AKAP6: variants seen among roughly 807,000 people sequenced by gnomAD.
AKAP6 encodes the protein A-kinase anchoring protein 6, also known as A-kinase anchor protein 6.
AKAP6 carries 58 observed loss-of-function variants against 188.5 expected under a neutral mutation model. The observed-to-expected ratio is 0.31, with a 90% CI of 0.25 to 0.38. The LOEUF is 0.38. Ranked by LOEUF, AKAP6 falls within the 10% of genes least tolerant of loss-of-function variation. AKAP6 has a pLI of 1.00. For missense variants in AKAP6, 2,710 were observed against 2,740.0 expected, an observed-to-expected ratio of 0.99 and a Z score of 0.24; for synonymous variants, 989 against 998.6, an observed-to-expected ratio of 0.99 and a Z score of 0.18.
chr14:32,498,892 A>T (rs563130175), intron 2 of AKAP6, among the ~76,000 whole-genome samples: 1 of 152,228 alleles, frequency 6.6e-6, no homozygotes, highest in East Asian at 1.9e-4. Flanking sequence ...ACTTTGTTCC[A>T]TTCATTGAGA....
At chr14:32,579,756 A>G (rs1393752087) in intron 5 of AKAP6, among the ~76,000 whole-genome samples, 1 of 152,130 alleles carries the variant, frequency 6.6e-6, no homozygotes, top group Non-Finnish European at 1.5e-5. Flanking sequence ...GTCATGCTGA[A>G]TTAATGATAA....
intron 9 of AKAP6, among the ~76,000 whole-genome samples, chr14:32,705,473 G>A (rs1227605949): frequency 6.6e-6 from 1 of 151,920 alleles, no homozygotes; most frequent in East Asian, 2.0e-4. Context: ...TGTTTTTCTG[G>A]TATTGAGATG....
chr14:32,470,324 T>C (rs575406376), intron 2 of AKAP6, among the ~76,000 whole-genome samples: 1 of 152,328 alleles, frequency 6.6e-6, no homozygotes, highest in African/African-American at 2.4e-5. Context: ...CAGGCATTTC[T>C]TGTATCCCAC....
At chr14:32,417,111 G>A (rs1236763046) in intron 1 of AKAP6, among the ~76,000 whole-genome samples, 1 of 152,156 alleles carries the variant, frequency 6.6e-6, no homozygotes, top group Admixed American at 6.6e-5. Context: ...AAAGTGCTGG[G>A]ATTACCTTGA....
intron 11 of AKAP6, among the ~76,000 whole-genome samples, chr14:32,739,520 A>G (rs938982797): frequency 5.3e-5 from 8 of 151,824 alleles, no homozygotes; most frequent in Non-Finnish European, 8.8e-5. Context: ...GTTTGCCCCT[A>G]CTACCCTTTC....
At chr14:32,383,208 G>A (rs1466897675) in intron 1 of AKAP6, among the ~76,000 whole-genome samples, 1 of 151,848 alleles carries the variant, frequency 6.6e-6, no homozygotes, top group Non-Finnish European at 1.5e-5. Flanking sequence ...ATTTAGTTGT[G>A]TAAAAGAAGA....
At chr14:32,465,081 A>C (rs570557768) in intron 2 of AKAP6, among the ~76,000 whole-genome samples, 1 of 152,368 alleles carries the variant, frequency 6.6e-6, no homozygotes, top group African/African-American at 2.4e-5. Context: ...TGCTCAAGGA[A>C]ACAAGATAGG....
chr14:32,532,934 A>G (rs186129087), intron 2 of AKAP6, among the ~76,000 whole-genome samples: 132 of 152,310 alleles, frequency 8.7e-4, no homozygotes, highest in African/African-American at 3.2e-3. Context: ...ATGAGGCTGA[A>G]GAGCACCTGT....
chr14:32,598,029 C>G (rs1481552079), intron 5 of AKAP6, among the ~76,000 whole-genome samples: 1 of 152,170 alleles, frequency 6.6e-6, no homozygotes, highest in Non-Finnish European at 1.5e-5. Context: ...AGAGGCCGTG[C>G]TTTATATTCC....
intron 7 of AKAP6, among the ~76,000 whole-genome samples, chr14:32,608,405 C>T (rs566650107): frequency 6.7e-6 from 1 of 148,630 alleles, no homozygotes; most frequent in African/African-American, 2.5e-5. Flanking sequence ...GAGGCTGAGG[C>T]AGGAGGATCG....
intron 10 of AKAP6, chr14:32,733,176 C>T (rs2031263601): frequency 6.4e-6 from 1 of 156,160 alleles, no homozygotes; most frequent in African/African-American, 2.4e-5. Flanking sequence ...TCATGTAATT[C>T]ATTTCACGCA....
At chr14:32,775,320 A>C (rs1159358934) in intron 12 of AKAP6, among the ~76,000 whole-genome samples, 1 of 152,250 alleles carries the variant, frequency 6.6e-6, no homozygotes, top group East Asian at 1.9e-4. Context: ...TTTTTGAAGC[A>C]TTCAAACTGC....
chr14:32,365,783 C>T (rs1178493617), intron 1 of AKAP6, among the ~76,000 whole-genome samples: 1 of 152,132 alleles, frequency 6.6e-6, no homozygotes, highest in East Asian at 1.9e-4. Context: ...AAGACCATGC[C>T]CCCTACTTCA....
intron 9 of AKAP6, among the ~76,000 whole-genome samples, chr14:32,709,261 C>T (rs1331648766): frequency 6.6e-6 from 1 of 151,904 alleles, no homozygotes; most frequent in Non-Finnish European, 1.5e-5. Flanking sequence ...GTTTTGAGCT[C>T]ACCAAGTTCA....
At chr14:32,685,307 C>A (rs1889862468) in intron 8 of AKAP6, among the ~76,000 whole-genome samples, 1 of 151,952 alleles carries the variant, frequency 6.6e-6, no homozygotes, top group Admixed American at 6.6e-5. Flanking sequence ...ATTTAAGATA[C>A]AGAGTGTTAT....
At chr14:32,414,626 G>T (rs1395079070) in intron 1 of AKAP6, among the ~76,000 whole-genome samples, 1 of 152,158 alleles carries the variant, frequency 6.6e-6, no homozygotes, top group Non-Finnish European at 1.5e-5. Flanking sequence ...GGAAACAGCT[G>T]ACTTGAAGTA....
chr14:32,444,077 AG>A (rs1890679520), intron 2 of AKAP6, among the ~76,000 whole-genome samples: 2 of 152,214 alleles, frequency 1.3e-5, no homozygotes, highest in Non-Finnish European at 2.9e-5. Context: ...AATGGCTCAG[AG>A]AAGTCTGGTC....
At chr14:32,454,707 CCTT>C in intron 2 of AKAP6, among the ~76,000 whole-genome samples, 1 of 36,828 alleles carries the variant, frequency 2.7e-5, no homozygotes, top group Admixed American at 2.6e-4. Flanking sequence ...CTCCCTCCCT[CCTT>C]CCCTCCTTCT....
chr14:32,829,620 A>ATT (rs1211857902), intron 13 of AKAP6, among the ~76,000 whole-genome samples: 3 of 151,576 alleles, frequency 2.0e-5, no homozygotes, highest in African/African-American at 7.3e-5. Flanking sequence ...GTCTTTTTAA[A>ATT]AAAAAAAAAA....
Sources: allele counts gnomAD v4.1 joint callset (sites outside exome capture counted in the v4.1 genomes callset), GRCh38; gene constraint gnomAD v4.1.1; transcripts MANE v1.5; gene names NCBI Gene and HGNC (gene_info 2026-07-23, HGNC 2026-07-21).